Variants in ABCA13 observed in about 807,000 individuals in gnomAD.
ABCA13 encodes the protein ATP binding cassette subfamily A member 13, also known as ATP-binding cassette sub-family A member 13.
Under a neutral mutation model 478.7 loss-of-function variants are expected in ABCA13, and 476 were observed. That is an observed-to-expected ratio of 0.99 (90% CI 0.92 to 1.07). The LOEUF (loss-of-function observed/expected upper bound fraction) is 1.07, where lower values mean the gene tolerates loss of function less well. Among genes scored for constraint, ABCA13 ranks in the 50% least tolerant of loss-of-function variants. The probability of loss-of-function intolerance (pLI) is 0.00; values close to 1 mark genes in which losing one functional copy is unlikely to be tolerated. For missense variants in ABCA13, 6,060 were observed against 5,910.6 expected (o/e 1.03, Z -0.83); for synonymous variants, 2,252 against 2,158.9 (o/e 1.04, Z -1.20).
intron 15 of ABCA13, among the ~76,000 whole-genome samples, chr7:48,257,860 G>T (rs952058195): frequency 4.6e-5 from 7 of 152,106 alleles, no homozygotes; most frequent in African/African-American, 1.7e-4. Context: ...CAATTTTTTG[G>T]ATTAGTTTCA....
chr7:48,525,177 G>A (rs1271816619), intron 54 of ABCA13, among the ~76,000 whole-genome samples: 1 of 152,114 alleles, frequency 6.6e-6, no homozygotes, highest in African/African-American at 2.4e-5. Context: ...AGATCAATCT[G>A]AAGTAATGCA....
rs530406899 is a variant in ABCA13, at chr7:48,328,258, G to T, written c.10000-7164G>T. ...GGGCACTGGTGGGACCTTTAGGCAG[G>T]TCAAGGTCTTTCCCAGGGAGCCCTA... On this transcript the variant is annotated intron_variant, in intron 27 of 61. Transcript: ENST00000435803. 3.9e-4 allele frequency among the ~76,000 whole-genome samples: 59 copies of T among 152,230 alleles called. 2 individuals carry two copies. The highest frequency in any genetic ancestry group is 1.2e-3 in the African/African-American group (50 of 41,550).
chr7:48,353,949 G>C (rs1809469030), intron 31 of ABCA13, among the ~76,000 whole-genome samples: 1 of 151,914 alleles, frequency 6.6e-6, no homozygotes, highest in Non-Finnish European at 1.5e-5. Context: ...TGATATTTTT[G>C]GCTATGAACA....
chr7:48,323,123 T>A (rs1803754027), intron 27 of ABCA13, among the ~76,000 whole-genome samples: 1 of 152,176 alleles, frequency 6.6e-6, no homozygotes, highest in Non-Finnish European at 1.5e-5. Context: ...TTTCTAGTCT[T>A]TGGCGATTAT....
intron 42 of ABCA13, among the ~76,000 whole-genome samples, chr7:48,433,671 C>T (rs1822453982): frequency 6.6e-6 from 1 of 151,894 alleles, no homozygotes; most frequent in Non-Finnish European, 1.5e-5. Context: ...ACCAATTAGA[C>T]AACAACTCCT....
intron 25 of ABCA13, among the ~76,000 whole-genome samples, chr7:48,313,981 GTA>G (rs1022746056): frequency 2.3e-4 from 22 of 94,168 alleles, no homozygotes; most frequent in East Asian, 1.3e-3. Flanking sequence ...GTGTGTGTGT[GTA>G]TGTGTGTGTG....
intron 45 of ABCA13, among the ~76,000 whole-genome samples, chr7:48,471,821 G>A (rs1053824867): frequency 9.9e-5 from 15 of 152,218 alleles, no homozygotes; most frequent in African/African-American, 3.1e-4. Flanking sequence ...ATTGCCTTCT[G>A]CCTTTGGTCT....
At position 48,276,202 on chromosome 7, in the gene ABCA13, G is replaced by A. The variant is rs1457874271; in HGVS notation, c.6536G>A (p.Gly2179Asp). The change falls in exon 17 of 62, where the codon GGC becomes GAC. Residue 2179 changes from glycine to aspartate, a missense_variant. Physicochemically the swap from Gly to Asp is moderately conservative, Grantham distance 94. Around this residue, in one of 3 missense-constraint regions of ABCA13, gnomAD observed 4,423 missense variants for 4,309.1 expected, o/e 1.03. Coordinates refer to ENST00000435803, the MANE Select transcript of ABCA13 (RefSeq NM_152701.5). ...TCTTTAAAAAATATATCTAGAGCAG[G>A]CAATTTTGATGTTGCCTTTCTTACC... ...WGSLKNISRA[G>D]NFDVAFLTHL... The A allele has an allele frequency of 6.9e-6, 11 of 1,584,494 alleles. No homozygotes were observed. The highest frequency in any genetic ancestry group is 1.3e-5 in the African/African-American group (1 of 74,232).
rs1019524889 is a variant in ABCA13 at position 48,367,671 on chromosome 7, A to G, written c.10689-123A>G. 6 of 728,652 alleles carry G rather than the reference A, an allele frequency of 8.2e-6. No homozygotes were observed. In the Middle Eastern group the frequency reaches 1.5e-3, roughly 178 times the overall value. 45.1% of individuals were successfully genotyped at this position (728,652 alleles called of 1,614,324 possible). ...TGGCCCTCCTACCTAAGTCACAGGC[A>G]TGTAGAAATGACCAAAGGAGATATC... On this transcript the variant is annotated intron_variant, in intron 31 of 61. Transcript: ENST00000435803.
At chr7:48,375,881 A>G (rs1041002354) in intron 34 of ABCA13, among the ~76,000 whole-genome samples, 1 of 152,192 alleles carries the variant, frequency 6.6e-6, no homozygotes, top group African/African-American at 2.4e-5. Flanking sequence ...TTCCAAGTAC[A>G]CAATGATTAA....
At chr7:48,561,591 T>G (rs1012210716) in intron 55 of ABCA13, among the ~76,000 whole-genome samples, 1 of 152,214 alleles carries the variant, frequency 6.6e-6, no homozygotes, top group African/African-American at 2.4e-5. Context: ...TTGGTTTTCT[T>G]TCTGAGAAAG....
intron 24 of ABCA13, among the ~76,000 whole-genome samples, chr7:48,312,604 C>T (rs990553144): frequency 6.6e-6 from 1 of 152,144 alleles, no homozygotes; most frequent in African/African-American, 2.4e-5. Context: ...TCCTCAAGCC[C>T]CAGTTTTCTC....
rs766790512 is a variant in ABCA13, at chr7:48,313,059, T to C, written c.9517-8T>C. 3 of 1,545,484 alleles carry C rather than the reference T, an allele frequency of 1.9e-6. No individual in the cohort carries two copies. The highest frequency in any genetic ancestry group is 1.3e-5 in the South Asian group (1 of 79,602). On this transcript the variant is annotated splice_polypyrimidine_tract_variant and splice_region_variant and intron_variant, in intron 24 of 61. Transcript: ENST00000435803. Reference sequence around the variant, plus strand: ...TTCATGTTGTTTTGTTTTTGTTTTGTCCTTTAGACTCTGATGCCTTCTGAA... The same window carrying C: ...TTCATGTTGTTTTGTTTTTGTTTTGCCCTTTAGACTCTGATGCCTTCTGAA...
At chr7:48,629,348 G>T (rs1183147369) in intron 59 of ABCA13, among the ~76,000 whole-genome samples, 1 of 152,066 alleles carries the variant, frequency 6.6e-6, no homozygotes, top group Non-Finnish European at 1.5e-5. Context: ...CCTAACCAAG[G>T]AAATGGATTT....
intron 55 of ABCA13, among the ~76,000 whole-genome samples, chr7:48,559,661 C>A (rs1435960726): frequency 6.6e-6 from 1 of 152,164 alleles, no homozygotes. Context: ...GAAGCCAACA[C>A]AACTCAGTCT....
intron 48 of ABCA13, among the ~76,000 whole-genome samples, chr7:48,505,038 C>T (rs775942445): frequency 1.4e-4 from 21 of 152,236 alleles, no homozygotes; most frequent in African/African-American, 2.9e-4. Flanking sequence ...ATCCAGGAAG[C>T]GATGCAGCAG....
chr7:48,309,905 G>A (rs772891821), intron 23 of ABCA13, 42 bp from the exon 24 acceptor site: 40 of 1,608,524 alleles, frequency 2.5e-5, no homozygotes, highest in African/African-American at 9.4e-5. Context: ...AGCACATGAC[G>A]TCATAGGTAT....
intron 13 of ABCA13, 144 bp downstream of exon 13, chr7:48,246,174 C>CCAGCATTGAAGGG: frequency 1.1e-6 from 1 of 882,068 alleles, no homozygotes; most frequent in Non-Finnish European, 1.6e-6. Flanking sequence ...TCTCTGAACT[C>CCAGCATTGAAGGG]CAGCTGCCCT....
At chr7:48,528,657 G>A (rs1833033626) in intron 55 of ABCA13, among the ~76,000 whole-genome samples, 1 of 152,118 alleles carries the variant, frequency 6.6e-6, no homozygotes, top group Non-Finnish European at 1.5e-5. Context: ...AGGGGAGCAG[G>A]AAATGGCCAA....
Sources: gnomAD v4.1 joint callset for allele counts (sites outside exome capture counted in the v4.1 genomes callset) on GRCh38, gnomAD v4.1.1 for gene constraint, gnomAD v4.1.1 regional missense constraint, MANE v1.5 for transcripts, NCBI Gene and HGNC (gene_info 2026-07-23, HGNC 2026-07-21) for gene names.